Variants in CDH12 observed in about 807,000 individuals in gnomAD.
The protein encoded by CDH12 is cadherin 12, also known as cadherin-12.
Under a neutral mutation model 74.1 loss-of-function variants are expected in CDH12, and 41 were observed. That is an observed-to-expected ratio of 0.55 (90% confidence interval 0.43 to 0.72). CDH12 has a LOEUF of 0.72. CDH12 is among the 30% of genes least tolerant of loss of function. CDH12 has a pLI of 0.00. For missense variants in CDH12, 945 were observed against 977.2 expected, an observed-to-expected ratio of 0.97 and a Z score of 0.44; for synonymous variants, 399 against 355.0, an observed-to-expected ratio of 1.12 and a Z score of -1.39.
intron 1 of CDH12, among the ~76,000 whole-genome samples, chr5:22,811,769 G>T (rs1447299549): frequency 6.6e-6 from 1 of 152,106 alleles, no homozygotes; most frequent in African/African-American, 2.4e-5. Flanking sequence ...TAAGAGGAGA[G>T]AGAAACGGCT....
chr5:22,147,431 T>C (rs1276153540), intron 4 of CDH12, among the ~76,000 whole-genome samples: 3 of 152,156 alleles, frequency 2.0e-5, no homozygotes, highest in African/African-American at 7.2e-5. Context: ...AAAGAACAAT[T>C]GGAATCCACT....
intron 1 of CDH12, among the ~76,000 whole-genome samples, chr5:22,806,370 T>C (rs1441239186): frequency 2.8e-5 from 4 of 141,764 alleles, no homozygotes; most frequent in Non-Finnish European, 4.6e-5. Context: ...TTTTTTTTTT[T>C]GAGATGGAGT....
chr5:21,796,831 C>G (rs1249267656), intron 10 of CDH12, among the ~76,000 whole-genome samples: 2 of 152,010 alleles, frequency 1.3e-5, no homozygotes, highest in African/African-American at 2.4e-5. Context: ...ACTGGATAAT[C>G]AACAGTTTTA....
At chr5:21,982,304 T>G (rs557527445) in intron 5 of CDH12, among the ~76,000 whole-genome samples, 1 of 152,212 alleles carries the variant, frequency 6.6e-6, no homozygotes, top group East Asian at 1.9e-4. Flanking sequence ...TGGCTTTTCC[T>G]GGGTCTTGAG....
At chr5:22,290,941 T>C (rs773492832) in intron 3 of CDH12, among the ~76,000 whole-genome samples, 44 of 152,184 alleles carry the variant, frequency 2.9e-4, no homozygotes, top group Non-Finnish European at 5.3e-4. Flanking sequence ...GAAGATCTAA[T>C]ACCAGTTCTT....
intron 2 of CDH12, among the ~76,000 whole-genome samples, chr5:22,478,401 G>C (rs1746256264): frequency 8.3e-6 from 1 of 119,796 alleles, no homozygotes; most frequent in Admixed American, 1.1e-4. Flanking sequence ...CTGGGCGACA[G>C]AGCGAGACTC....
rs149733828 is a variant in CDH12, at chr5:22,466,748, G to A, written c.-428+38522C>T. On this transcript the variant is annotated intron_variant, in intron 2 of 14. Transcript: ENST00000382254. ...ACAACTTTTTGCAAATTCTGAGTGGGAAAAATGAGGCATGGCTCCTCAGGA... is the reference window on the plus strand; with the variant it reads ...ACAACTTTTTGCAAATTCTGAGTGGAAAAAATGAGGCATGGCTCCTCAGGA... 7.3e-3 allele frequency among the ~76,000 whole-genome samples: 1,044 copies of A among 143,376 alleles called. 21 individuals carry two copies. The highest frequency in any genetic ancestry group is 0.026 in the African/African-American group (990 of 38,710). 94.1% of individuals were successfully genotyped at this position (143,376 alleles called of 152,430 possible). A position where few individuals can be genotyped will look rare whatever the true frequency, so the allele number is the denominator to read the frequency against.
chr5:22,406,121 T>TA (rs1374628654), intron 2 of CDH12, among the ~76,000 whole-genome samples: 1 of 152,180 alleles, frequency 6.6e-6, no homozygotes, highest in African/African-American at 2.4e-5. Context: ...ATACAGAGGA[T>TA]AGATTGTATT....
At chr5:22,532,990 C>T (rs747484868) in intron 1 of CDH12, among the ~76,000 whole-genome samples, 1 of 151,750 alleles carries the variant, frequency 6.6e-6, no homozygotes, top group Non-Finnish European at 1.5e-5. Context: ...AAATTACTAG[C>T]CTATTTGAAA....
chr5:21,889,738 G>C (rs781165201), intron 6 of CDH12: 32 of 984,494 alleles, frequency 3.3e-5, no homozygotes, highest in Non-Finnish European at 3.9e-5. Context: ...ATGGGGTTTT[G>C]TTTGCTTTCT....
chr5:22,848,793 G>T (rs1356969980), intron 1 of CDH12, among the ~76,000 whole-genome samples: 1 of 152,158 alleles, frequency 6.6e-6, no homozygotes, highest in East Asian at 1.9e-4. Flanking sequence ...TGCTGTCACT[G>T]AGAATACTGA....
chr5:22,383,020 C>T (rs191425516), intron 3 of CDH12, among the ~76,000 whole-genome samples: 2 of 152,152 alleles, frequency 1.3e-5, no homozygotes, highest in South Asian at 2.1e-4. Flanking sequence ...TTAGTAAAGA[C>T]GGGATTTCAC....
At chr5:22,583,195 A>G (rs1273292582) in intron 1 of CDH12, among the ~76,000 whole-genome samples, 1 of 152,202 alleles carries the variant, frequency 6.6e-6, no homozygotes, top group Non-Finnish European at 1.5e-5. Flanking sequence ...ATCTTTAAGG[A>G]CTGTTCTATA....
intron 10 of CDH12, among the ~76,000 whole-genome samples, chr5:21,795,794 G>A (rs766466499): frequency 6.6e-6 from 1 of 151,910 alleles, no homozygotes; most frequent in Non-Finnish European, 1.5e-5. Context: ...CTGAACTTAC[G>A]TTTTTGCACA....
rs762769109 is a variant in CDH12, at chr5:22,037,339, A to G, written c.231+41107T>C. Among the ~76,000 whole-genome samples the G allele has an allele frequency of 2.6e-5, 4 of 152,322 alleles. No individual in the cohort carries two copies. The Middle Eastern group carries it at 0.01, about 389-fold the overall frequency. ...GATTCTAAAGACAGTCAAAGAAGGA[A>G]ATTTGACTATGAAAACAAAGAACCA... On this transcript the variant is annotated intron_variant, in intron 5 of 14. Coordinates refer to ENST00000382254, the MANE Select transcript of CDH12 (RefSeq NM_004061.5).
At chr5:22,042,991 A>G (rs1739683985) in intron 5 of CDH12, among the ~76,000 whole-genome samples, 1 of 152,044 alleles carries the variant, frequency 6.6e-6, no homozygotes, top group African/African-American at 2.4e-5. Flanking sequence ...TAGGACCTGA[A>G]GTTTTTCACT....
intron 3 of CDH12, among the ~76,000 whole-genome samples, chr5:22,314,478 C>G (rs934828314): frequency 6.6e-6 from 1 of 152,164 alleles, no homozygotes; most frequent in African/African-American, 2.4e-5. Flanking sequence ...AGGAAGGCAA[C>G]CAACTTCTCA....
intron 10 of CDH12, among the ~76,000 whole-genome samples, chr5:21,799,222 G>A (rs766368492): frequency 3.3e-5 from 5 of 152,160 alleles, no homozygotes; most frequent in Non-Finnish European, 7.3e-5. Context: ...CTAGTATTTT[G>A]TGGAAAGAAG....
intron 4 of CDH12, among the ~76,000 whole-genome samples, chr5:22,083,931 T>C (rs182891532): frequency 3.0e-4 from 46 of 152,320 alleles, no homozygotes; most frequent in Non-Finnish European, 5.9e-4. Context: ...GCTTTCAGAC[T>C]CATTTAGCTC....
Sources: gnomAD v4.1 joint callset for allele counts (sites outside exome capture counted in the v4.1 genomes callset) on GRCh38, gnomAD v4.1.1 for gene constraint, MANE v1.5 for transcripts, NCBI Gene and HGNC (gene_info 2026-07-23, HGNC 2026-07-21) for gene names.